Variants in SHISAL1 observed in about 807,000 individuals in gnomAD.
SHISAL1 encodes the protein protein shisa-like-1.
SHISAL1 carries 9 observed loss-of-function variants against 22.6 expected under a neutral mutation model. That is an observed-to-expected ratio of 0.40 (90% CI 0.24 to 0.70). The LOEUF is 0.70. Among genes scored for constraint, SHISAL1 ranks in the 30% least tolerant of loss-of-function variants. The pLI is 0.39. For synonymous variants in SHISAL1, 119 were observed against 115.4 expected, an observed-to-expected ratio of 1.03 and a Z score of -0.20; for missense variants, 246 against 270.6, an observed-to-expected ratio of 0.91 and a Z score of 0.64.
the SHISAL1 span, among the ~76,000 whole-genome samples, chr22:44,325,237 C>T: frequency 8.3e-5 from 12 of 143,912 alleles, no homozygotes; most frequent in African/African-American, 1.3e-4. Context: ...AGAGAGACTC[C>T]GTCTCAAAAG....
chr22:44,289,495 T>TGTGTGTGTGTGTGTGTGTGTGTGTG (rs369474296), intron 3 of SHISAL1, among the ~76,000 whole-genome samples: 1 of 149,634 alleles, frequency 6.7e-6, no homozygotes, highest in Admixed American at 6.6e-5. Context: ...TGTGTGTGTG[T>TGTGTGTGTGTGTGTGTGTGTGTGTG]TTACTGCCGG....
At chr22:44,299,477 C>T (rs2055410848) in intron 2 of SHISAL1, among the ~76,000 whole-genome samples, 1 of 152,196 alleles carries the variant, frequency 6.6e-6, no homozygotes, top group African/African-American at 2.4e-5. Context: ...CCAGGTGAGC[C>T]AAAGCATGGG....
intron 2 of SHISAL1, among the ~76,000 whole-genome samples, chr22:44,298,954 G>A (rs2055406997): frequency 6.6e-6 from 1 of 152,214 alleles, no homozygotes; most frequent in Non-Finnish European, 1.5e-5. Context: ...GGGACAACCG[G>A]GTGGGAGTCC....
At position 44,248,427 on chromosome 22, in the gene SHISAL1, T is replaced by C. The variant is rs1019920924; in HGVS notation, c.*1258A>G. On this transcript the variant is annotated 3_prime_UTR_variant, in exon 5 of 5. Coordinates refer to ENST00000381176, the MANE Select transcript of SHISAL1 (RefSeq NM_001099294.2). ...GCCTTTGGAGATGTTTGTGATGATTTAGGTGATGCCATCTCATAGGTGTCC... is the reference window on the plus strand; with the variant it reads ...GCCTTTGGAGATGTTTGTGATGATTCAGGTGATGCCATCTCATAGGTGTCC... 5 of 146,502 alleles carry C rather than the reference T, an allele frequency of 3.4e-5. No individual in the cohort carries two copies. The highest frequency in any genetic ancestry group is 1.4e-4 in the African/African-American group (5 of 36,048). The allele number at this position is 146,502 out of a possible 1,614,324, so 9.1% of individuals were successfully genotyped here.
At chr22:44,300,643 T>A (rs1209964178) in intron 2 of SHISAL1, among the ~76,000 whole-genome samples, 1 of 151,768 alleles carries the variant, frequency 6.6e-6, no homozygotes, top group African/African-American at 2.4e-5. Context: ...TGAGCTCCCA[T>A]GGGAAGTCCC....
the SHISAL1 span, among the ~76,000 whole-genome samples, chr22:44,328,946 G>T: frequency 1.4e-4 from 21 of 152,272 alleles, no homozygotes; most frequent in African/African-American, 5.1e-4. Context: ...GCCCACAGAG[G>T]GTCCCTGCCC....
Position 44,285,527 on chromosome 22 carries a change from G to A in SHISAL1, c.500C>T (p.Pro167Leu). 6.2e-7 allele frequency: 1 copy of A among 1,613,342 alleles called. No homozygotes were observed. Among genetic ancestry groups the A allele is most frequent in the Non-Finnish European group, 8.5e-7 (1 of 1,179,480 alleles). The change falls in exon 4 of 5, where the codon CCT (proline) becomes CTT (leucine). Residue 167 changes from proline (P) to leucine (L), a missense_variant. Pro to Leu is a moderately conservative substitution (Grantham distance 98). Transcript: ENST00000381176. ...RPGQRAPQPQ[P>L]PPGPLPQAPQ... ...GGCTTGTGGCAGCGGGCCTGGGGGA[G>A]GCTGCGGCTGTGGGGCCCGCTGACC...
intron 4 of SHISAL1, among the ~76,000 whole-genome samples, chr22:44,267,435 A>C (rs1205018716): frequency 2.1e-5 from 3 of 140,640 alleles, no homozygotes; most frequent in Non-Finnish European, 4.7e-5. Context: ...GGCCCTGGCC[A>C]ATCTCACGGA....
chr22:44,320,399 C>A, the SHISAL1 span, among the ~76,000 whole-genome samples: 3 of 152,182 alleles, frequency 2.0e-5, no homozygotes, highest in Admixed American at 6.5e-5. Context: ...GATAAGTGGG[C>A]CAGGCCGTGG....
chr22:44,281,579 T>G (rs2055277141), intron 4 of SHISAL1, among the ~76,000 whole-genome samples: 1 of 152,106 alleles, frequency 6.6e-6, no homozygotes, highest in Non-Finnish European at 1.5e-5. Flanking sequence ...ACCTCCACAG[T>G]GCGAAGGAGA....
At chr22:44,264,127 C>A (rs1455434711) in intron 4 of SHISAL1, among the ~76,000 whole-genome samples, 1 of 152,220 alleles carries the variant, frequency 6.6e-6, no homozygotes, top group East Asian at 1.9e-4. Flanking sequence ...AAGATGGGAA[C>A]CTTCATCTTT....
At chr22:44,307,733 C>G (rs1005971234) in intron 1 of SHISAL1, among the ~76,000 whole-genome samples, 1 of 152,186 alleles carries the variant, frequency 6.6e-6, no homozygotes, top group Non-Finnish European at 1.5e-5. Flanking sequence ...TTTTTAAACA[C>G]CGAACTTGGC....
chr22:44,274,837 C>T (rs891126554), intron 4 of SHISAL1, among the ~76,000 whole-genome samples: 12 of 152,138 alleles, frequency 7.9e-5, no homozygotes, highest in Non-Finnish European at 1.6e-4. Context: ...AAATAATAGT[C>T]GCAATAATAA....
rs942632695 is a variant in SHISAL1, at chr22:44,248,447, G to A, written c.*1238C>T. 3.9e-5 allele frequency: 6 copies of A among 152,436 alleles called. No homozygotes were observed. The highest frequency in any genetic ancestry group is 7.2e-5 in the African/African-American group (3 of 41,576). 9.4% of individuals were successfully genotyped at this position (152,436 alleles called of 1,614,324 possible). On this transcript the variant is annotated 3_prime_UTR_variant, in exon 5 of 5. Transcript: ENST00000381176. ...TGATTTAGGTGATGCCATCTCATAG[G>A]TGTCCCAGGGCAGCGGGGCAGGAGT...
At chr22:44,329,510 C>T in the SHISAL1 span, among the ~76,000 whole-genome samples, 2 of 152,166 alleles carry the variant, frequency 1.3e-5, no homozygotes, top group East Asian at 1.9e-4. Flanking sequence ...CTTCATCAGT[C>T]CATACCTCCC....
At chr22:44,291,586 T>C (rs2055352770) in intron 3 of SHISAL1, among the ~76,000 whole-genome samples, 1 of 152,064 alleles carries the variant, frequency 6.6e-6, no homozygotes, top group South Asian at 2.1e-4. Flanking sequence ...GGTCAGAGGT[T>C]TCACGCGTGG....
rs753750785 is a variant in SHISAL1 at position 44,296,654 on chromosome 22, C to T, written c.281+18G>A. The T allele has an allele frequency of 6.2e-7, 1 of 1,611,188 alleles. No individual in the cohort carries two copies. On this transcript the variant is annotated intron_variant, in intron 3 of 4. Transcript: ENST00000381176. ...GGGGCCCGAGGCAGTGGGGTTGCAC[C>T]CCCAGAGTGGCACTCACTTGTGCAT...
the SHISAL1 span, among the ~76,000 whole-genome samples, chr22:44,320,068 C>T: frequency 1.3e-5 from 2 of 152,206 alleles, no homozygotes; most frequent in Non-Finnish European, 2.9e-5. Flanking sequence ...TTCCTTCCAT[C>T]ATTCAGGCAA....
chr22:44,316,187 T>C (rs957160491), upstream of SHISAL1, among the ~76,000 whole-genome samples: 2 of 152,092 alleles, frequency 1.3e-5, no homozygotes, highest in East Asian at 3.9e-4. Flanking sequence ...TGGGACGTGG[T>C]GCACCCTGGG....
Sources: allele counts gnomAD v4.1 joint callset (sites outside exome capture counted in the v4.1 genomes callset), GRCh38; gene constraint gnomAD v4.1.1; transcripts MANE v1.5; gene names NCBI Gene and HGNC (gene_info 2026-07-23, HGNC 2026-07-21).